The following FRMD4A variants were observed in gnomAD, a reference collection of about 807,000 sequenced individuals.
FRMD4A encodes FERM domain containing 4A.
A neutral mutation model predicts 129.1 loss-of-function variants in FRMD4A; 29 were observed. The ratio of observed to expected loss-of-function variants is 0.22; its 90% CI spans 0.17 to 0.31. The LOEUF (loss-of-function observed/expected upper bound fraction) is 0.31, where lower values mean the gene tolerates loss of function less well. Among genes scored for constraint, FRMD4A ranks in the 10% least tolerant of loss-of-function variants. FRMD4A has a pLI of 1.00. For synonymous variants in FRMD4A, 634 were observed against 571.6 expected (o/e 1.11, Z -1.56); for missense variants, 1,272 against 1,375.8 (o/e 0.92, Z 1.19).
chr10:13,694,160 A>C, intron 14 of FRMD4A, 121 bp from the exon 15 acceptor site: 1 of 703,456 alleles, frequency 1.4e-6, no homozygotes, highest in African/African-American at 1.8e-5. Context: ...CTCCCTGACT[A>C]ATGTGCAGCA....
At chr10:14,199,620 C>A (rs539843054) in intron 2 of FRMD4A, among the ~76,000 whole-genome samples, 2 of 152,260 alleles carry the variant, frequency 1.3e-5, no homozygotes, top group Admixed American at 6.5e-5. Context: ...AAACTCCCGA[C>A]CTCAGGTGAT....
intron 2 of FRMD4A, among the ~76,000 whole-genome samples, chr10:14,113,464 G>A (rs1454554317): frequency 6.6e-6 from 1 of 152,126 alleles, no homozygotes; most frequent in East Asian, 1.9e-4. Flanking sequence ...AGTATAGAAT[G>A]CATAGAACAT....
chr10:14,224,059 A>G (rs1364765016), intron 2 of FRMD4A, among the ~76,000 whole-genome samples: 1 of 152,206 alleles, frequency 6.6e-6, no homozygotes, highest in Admixed American at 6.5e-5. Flanking sequence ...TGCTCTGCTC[A>G]GGCGAGGAGT....
At chr10:13,903,903 G>A (rs2094850324) in intron 2 of FRMD4A, among the ~76,000 whole-genome samples, 2 of 152,156 alleles carry the variant, frequency 1.3e-5, no homozygotes, top group South Asian at 4.1e-4. Flanking sequence ...ATTGTCTGAT[G>A]AGTGAATAAA....
chr10:13,663,456 C>G lies in FRMD4A; in HGVS notation c.1657G>C (p.Asp553His). The change falls in exon 19 of 25, where the codon GAT becomes CAT. Residue 553 changes from aspartate (D) to histidine (H), a missense_variant. Physicochemically the swap from Asp to His is moderately conservative, Grantham distance 81. Around this residue, in one of 2 missense-constraint regions of FRMD4A, gnomAD observed 972 missense variants for 892.3 expected, o/e 1.09. Coordinates refer to ENST00000357447, the MANE Select transcript of FRMD4A (RefSeq NM_018027.5). ...SSLSDALVLE[D>H]EDSQVTSTIS... is the part of the protein sequence containing the mutation. ...AGCAGGAAATGCATAAACCTACCAT[C>G]CTCAAGAACAAGGGCATCTGAGAGG... 1 of 1,504,788 alleles carries G rather than the reference C, an allele frequency of 6.6e-7. No homozygotes were observed. The highest frequency in any genetic ancestry group is 9.3e-7 in the Non-Finnish European group (1 of 1,080,086). The allele number at this position is 1,504,788 out of a possible 1,614,324, so 93.2% of individuals were successfully genotyped here.
chr10:13,872,936 G>A (rs1262007154), intron 2 of FRMD4A, among the ~76,000 whole-genome samples: 1 of 152,158 alleles, frequency 6.6e-6, no homozygotes, highest in East Asian at 1.9e-4. Flanking sequence ...AGCACTTTGG[G>A]AGGCGGAGGG....
chr10:14,133,708 G>A (rs978743385), intron 2 of FRMD4A, among the ~76,000 whole-genome samples: 1 of 151,768 alleles, frequency 6.6e-6, no homozygotes, highest in Admixed American at 6.6e-5. Context: ...AGAGGGAGGA[G>A]TAATCAACCT....
chr10:13,935,327 A>ACTT, intron 2 of FRMD4A, among the ~76,000 whole-genome samples: 1 of 151,760 alleles, frequency 6.6e-6, no homozygotes, highest in Non-Finnish European at 1.5e-5. Context: ...AATCCCAGCT[A>ACTT]CTTAGGAGGC....
intron 3 of FRMD4A, among the ~76,000 whole-genome samples, chr10:13,827,008 C>A (rs1382309707): frequency 6.6e-6 from 1 of 152,136 alleles, no homozygotes; most frequent in Non-Finnish European, 1.5e-5. Context: ...ATTCTACATA[C>A]TTCCAAAGGT....
rs118102009 is a variant in FRMD4A at position 13,726,972 on chromosome 10, C to T, written c.759+10872G>A. 9.7e-4 allele frequency among the ~76,000 whole-genome samples: 147 copies of T among 152,236 alleles called. 1 individual carries two copies. In the East Asian group the frequency reaches 0.021, roughly 22 times the overall value. ...AGGCTGGAGTGCGATGGCACGACCTCGGCCACTGCAACCTCTGCCTCCCAG... is the reference window on the plus strand; with the variant it reads ...AGGCTGGAGTGCGATGGCACGACCTTGGCCACTGCAACCTCTGCCTCCCAG... On this transcript the variant is annotated intron_variant, in intron 12 of 24. Transcript: ENST00000357447.
intron 3 of FRMD4A, among the ~76,000 whole-genome samples, chr10:13,814,580 CAAAAAAAAAAAAAAAAA>C (rs553044764): frequency 2.4e-5 from 1 of 41,388 alleles, no homozygotes; most frequent in East Asian, 7.8e-4. Context: ...GACCCTGTTT[CAAAAAAAAAAAAAAAAA>C]AAAAAAAAAA....
intron 2 of FRMD4A, among the ~76,000 whole-genome samples, chr10:14,177,208 T>A (rs1342448348): frequency 6.6e-6 from 1 of 151,644 alleles, no homozygotes; most frequent in Non-Finnish European, 1.5e-5. Flanking sequence ...TTTGTTTTTG[T>A]TTTTTTTGAG....
chr10:13,972,070 C>T, intron 2 of FRMD4A: 1 of 1,137,096 alleles, frequency 8.8e-7, no homozygotes, highest in Non-Finnish European at 1.1e-6. Context: ...GGGGACTCAC[C>T]AGGGACAAGG....
intron 2 of FRMD4A, among the ~76,000 whole-genome samples, chr10:13,899,367 T>C (rs924345690): frequency 6.6e-6 from 1 of 151,668 alleles, no homozygotes; most frequent in African/African-American, 2.4e-5. Context: ...GAAACTGTTC[T>C]GTCCCTTGGT....
At chr10:13,689,974 G>T (rs1055728646) in intron 15 of FRMD4A, among the ~76,000 whole-genome samples, 2 of 152,184 alleles carry the variant, frequency 1.3e-5, no homozygotes, top group African/African-American at 4.8e-5. Context: ...TACTGGGCAA[G>T]TATTAGAAAA....
intron 2 of FRMD4A, among the ~76,000 whole-genome samples, chr10:14,317,979 G>T (rs117731650): frequency 3.3e-5 from 5 of 152,102 alleles, no homozygotes; most frequent in Admixed American, 1.3e-4. Flanking sequence ...TTTCCCTGCC[G>T]TTGGTGCTTC....
intron 2 of FRMD4A, among the ~76,000 whole-genome samples, chr10:13,897,047 G>A (rs1247849366): frequency 1.3e-5 from 2 of 152,214 alleles, no homozygotes; most frequent in Non-Finnish European, 2.9e-5. Flanking sequence ...GTTCAGTTAA[G>A]TGGCATTCCA....
chr10:14,048,566 G>T lies in FRMD4A; in HGVS notation c.46-189654C>A, dbSNP rs187508021. 9.9e-4 allele frequency among the ~76,000 whole-genome samples: 151 copies of T among 152,222 alleles called. 1 individual carries two copies. Among genetic ancestry groups the T allele is most frequent in the African/African-American group, 3.5e-3 (144 of 41,554 alleles). On this transcript the variant is annotated intron_variant, in intron 2 of 24. Coordinates refer to ENST00000357447, the MANE Select transcript of FRMD4A (RefSeq NM_018027.5). The stretch of plus-strand genomic sequence containing the variant: ...CATGCCTGTAATCACAGCATTTTGA[G>T]AGGCGAAGGCAGGCGGATCACTTGA...
At chr10:14,144,461 A>G (rs1270356382) in intron 2 of FRMD4A, among the ~76,000 whole-genome samples, 1 of 152,202 alleles carries the variant, frequency 6.6e-6, no homozygotes, top group African/African-American at 2.4e-5. Flanking sequence ...CAGTGCAAGT[A>G]ATTATCTTTG....
Sources: allele counts gnomAD v4.1 joint callset (sites outside exome capture counted in the v4.1 genomes callset), GRCh38; gene constraint gnomAD v4.1.1; regional missense constraint gnomAD v4.1.1; transcripts MANE v1.5; gene names NCBI Gene and HGNC (gene_info 2026-07-23, HGNC 2026-07-21).